Variants in FAM83F observed in about 807,000 individuals in gnomAD.
FAM83F encodes the protein protein FAM83F.
In FAM83F, 45 loss-of-function variants were observed where a neutral mutation model predicts 42.9. The ratio of observed to expected loss-of-function variants is 1.05; its 90% CI spans 0.83 to 1.35. FAM83F has a LOEUF of 1.35. Ranked by LOEUF, FAM83F falls within the 40% of genes most tolerant of loss-of-function variation. The probability of loss-of-function intolerance (pLI) is 0.00; values close to 1 mark genes in which losing one functional copy is unlikely to be tolerated. For missense variants in FAM83F, 617 were observed against 695.9 expected (o/e 0.89, Z 1.28); for synonymous variants, 306 against 298.3 (o/e 1.03, Z -0.27).
Position 40,021,606 on chromosome 22 carries a change from G to T in FAM83F, c.1096G>T (p.Glu366Ter). The change falls in exon 4 of 5, where the codon GAG becomes TAG. Residue 366 changes from glutamate to a stop codon, truncating the protein, a stop_gained. Transcript: ENST00000333407. LOFTEE classifies it high-confidence loss of function. This position sits in a 1 kb window ranked among gnomAD's most constrained non-coding sequence, Gnocchi z 8.7. ...EGQEEGASGG[E>*]SAWRLESFLK... Reference sequence around the variant, plus strand: ...GCAGGAGGAGGGCGCCAGCGGTGGCGAGTCGGCCTGGCGCCTGGAGAGCTT... The same window carrying T: ...GCAGGAGGAGGGCGCCAGCGGTGGCTAGTCGGCCTGGCGCCTGGAGAGCTT... 6.3e-7 allele frequency: 1 copy of T among 1,582,254 alleles called. No homozygotes were observed. Among genetic ancestry groups the T allele is most frequent in the Non-Finnish European group, 8.6e-7 (1 of 1,159,178 alleles).
At chr22:40,001,647 AAAAT>A (rs2067402427) in intron 1 of FAM83F, among the ~76,000 whole-genome samples, 1 of 152,180 alleles carries the variant, frequency 6.6e-6, no homozygotes, top group Non-Finnish European at 1.5e-5. Context: ...ACTCTATCTC[AAAAT>A]AAATAAATAA....
chr22:39,998,331 T>C (rs930375681), intron 1 of FAM83F, among the ~76,000 whole-genome samples: 2 of 152,228 alleles, frequency 1.3e-5, no homozygotes, highest in Admixed American at 6.5e-5. Context: ...TTTTATTTCA[T>C]TTAATCCTCA....
Position 40,036,860 on chromosome 22 carries a change from G to A in FAM83F, c.*7295G>A, listed in dbSNP as rs1054624084. On this transcript the variant is annotated 3_prime_UTR_variant, in exon 5 of 5. Transcript: ENST00000333407. ...GGCAGCATACGTCCTTCCTCCCCTA[G>A]GTCAGCTAGACGGCCAAAGCAGGGA... 2 of 152,206 alleles carry A rather than the reference G, an allele frequency of 1.3e-5. No homozygotes were observed. The highest frequency in any genetic ancestry group is 2.9e-5 in the Non-Finnish European group (2 of 68,052). 9.4% of individuals were successfully genotyped at this position (152,206 alleles called of 1,614,324 possible). A position where few individuals can be genotyped will look rare whatever the true frequency, so the allele number is the denominator to read the frequency against.
intron 1 of FAM83F, among the ~76,000 whole-genome samples, chr22:40,006,377 A>G (rs769620134): frequency 1.4e-4 from 22 of 152,220 alleles, no homozygotes; most frequent in Non-Finnish European, 2.1e-4. Context: ...GATCGATGGC[A>G]GGGCTCTGTC....
chr22:40,008,687 C>T (rs3021268), intron 1 of FAM83F, among the ~76,000 whole-genome samples: 13,086 of 152,176 alleles, frequency 0.086, 1,885 homozygotes, highest in African/African-American at 0.3. Flanking sequence ...TTGCTGAATT[C>T]GAGTCTTTGA....
At chr22:39,997,722 G>A (rs1052739622) in intron 1 of FAM83F, among the ~76,000 whole-genome samples, 4 of 152,182 alleles carry the variant, frequency 2.6e-5, no homozygotes, top group African/African-American at 9.7e-5. Context: ...CAGGTAAAAA[G>A]AGCTGTCGTG....
chr22:40,025,942 C>A (rs2067549736), intron 4 of FAM83F, among the ~76,000 whole-genome samples: 1 of 152,180 alleles, frequency 6.6e-6, no homozygotes, highest in Non-Finnish European at 1.5e-5. Context: ...GTGCCTGAGA[C>A]CCCACCCAGT....
intron 1 of FAM83F, among the ~76,000 whole-genome samples, chr22:40,008,060 G>A (rs544008554): frequency 9.8e-5 from 15 of 152,336 alleles, no homozygotes; most frequent in African/African-American, 2.9e-4. Flanking sequence ...GTAGACACCC[G>A]GTATGGCTGG....
In FAM83F at chr22:40,033,547, C is replaced by A. The variant is rs2067602505; in HGVS notation, c.*3982C>A. 6.6e-6 allele frequency: 1 copy of A among 152,324 alleles called. No individual in the cohort carries two copies. The highest frequency in any genetic ancestry group is 2.4e-5 in the African/African-American group (1 of 41,446). The allele number at this position is 152,324 out of a possible 1,614,324, so 9.4% of individuals were successfully genotyped here. On this transcript the variant is annotated 3_prime_UTR_variant, in exon 5 of 5. Coordinates refer to ENST00000333407, the MANE Select transcript of FAM83F (RefSeq NM_138435.4). The stretch of plus-strand genomic sequence containing the variant: ...AATCCTCTGTTGGGGATGGGGCTGC[C>A]CTGTGCATTATAGTACGTTTAGCAA...
rs113597116 is a variant in FAM83F at position 40,003,567 on chromosome 22, C to T, written c.489+8036C>T. Among the ~76,000 whole-genome samples the T allele has an allele frequency of 2.2e-3, 337 of 152,176 alleles. 1 individual carries two copies. Among genetic ancestry groups the T allele is most frequent in the African/African-American group, 7.8e-3 (325 of 41,528 alleles). Reference sequence around the variant, plus strand: ...GCTCAGGGGGGGTGTCCTGAGCCACCCCCAAGGCTGAGTCATTCTAGCTAT... The same window carrying T: ...GCTCAGGGGGGGTGTCCTGAGCCACTCCCAAGGCTGAGTCATTCTAGCTAT... On this transcript the variant is annotated intron_variant, in intron 1 of 4. Coordinates refer to ENST00000333407, the MANE Select transcript of FAM83F (RefSeq NM_138435.4).
rs1452351316 is a variant in FAM83F at position 40,032,439 on chromosome 22, A to AAGAT, written c.*2877_*2880dup. ...TATCCCTGACCCCTCGAGGGCTTTC[A>AAGAT]AGATAGCCTCTGTTAACATCACTAC... is the stretch of plus-strand genomic sequence containing the variant. On this transcript the variant is annotated 3_prime_UTR_variant, in exon 5 of 5. Coordinates refer to ENST00000333407, the MANE Select transcript of FAM83F (RefSeq NM_138435.4). 1.3e-5 allele frequency: 2 copies of AAGAT among 152,160 alleles called. No homozygotes were observed. The highest frequency in any genetic ancestry group is 2.9e-5 in the Non-Finnish European group (2 of 68,020). 9.4% of individuals were successfully genotyped at this position (152,160 alleles called of 1,614,324 possible).
chr22:40,029,631 G>T lies in FAM83F; in HGVS notation c.*66G>T. 6.4e-7 allele frequency: 1 copy of T among 1,572,680 alleles called. No homozygotes were observed. Among genetic ancestry groups the T allele is most frequent in the South Asian group, 1.2e-5 (1 of 86,332 alleles). ...TGCCCTGCCCTGTGCTGTGGAGAGC[G>T]CAGGTCGCACACTGCACCAGTTTGC... On this transcript the variant is annotated 3_prime_UTR_variant, in exon 5 of 5. Coordinates refer to ENST00000333407, the MANE Select transcript of FAM83F (RefSeq NM_138435.4).
chr22:40,004,208 A>G (rs781234714), intron 1 of FAM83F, among the ~76,000 whole-genome samples: 2 of 152,098 alleles, frequency 1.3e-5, no homozygotes, highest in Non-Finnish European at 2.9e-5. Flanking sequence ...AGGGGTGGGG[A>G]TATTGATAGC....
chr22:40,020,522 T>C (rs553128688), intron 3 of FAM83F, among the ~76,000 whole-genome samples: 1 of 151,830 alleles, frequency 6.6e-6, no homozygotes, highest in Non-Finnish European at 1.5e-5. Context: ...ACCACCATGC[T>C]CAGCTAATTT....
intron 4 of FAM83F, among the ~76,000 whole-genome samples, chr22:40,025,671 C>G (rs911521152): frequency 6.6e-6 from 1 of 152,082 alleles, no homozygotes; most frequent in Non-Finnish European, 1.5e-5. Context: ...TGAGATCACA[C>G]CAGCCTGGGT....
Position 40,038,597 on chromosome 22 carries a change from G to C in FAM83F, c.*9032G>C, listed in dbSNP as rs2067637822. 1 of 152,326 alleles carries C rather than the reference G, an allele frequency of 6.6e-6. No individual in the cohort carries two copies. The highest frequency in any genetic ancestry group is 6.5e-5 in the Admixed American group (1 of 15,292). The allele number at this position is 152,326 out of a possible 1,614,324, so 9.4% of individuals were successfully genotyped here. On this transcript the variant is annotated 3_prime_UTR_variant, in exon 5 of 5. Coordinates refer to ENST00000333407, the MANE Select transcript of FAM83F (RefSeq NM_138435.4). The stretch of plus-strand genomic sequence containing the variant: ...GCAGGGAGGGGGCTGCCTTCACTAT[G>C]GGTGCTCAGGAAATCTGCCAGGGGA...
intron 1 of FAM83F, among the ~76,000 whole-genome samples, chr22:40,006,673 G>T (rs2067430803): frequency 6.6e-6 from 1 of 152,238 alleles, no homozygotes; most frequent in South Asian, 2.1e-4. Flanking sequence ...TTATCTGGGG[G>T]AAAGTGGATA....
At position 40,039,706 on chromosome 22, in the gene FAM83F, T is replaced by A. The variant is rs1405239061; in HGVS notation, c.*10141T>A. The A allele has an allele frequency of 6.6e-6, 1 of 151,660 alleles. No homozygotes were observed. The highest frequency in any genetic ancestry group is 1.5e-5 in the Non-Finnish European group (1 of 67,932). 9.4% of individuals were successfully genotyped at this position (151,660 alleles called of 1,614,324 possible). Reference sequence around the variant, plus strand: ...TGCAGACAGATTCCTTTGAAGGAGCTTAGAGAAAGAGATGGTAGGGAAAAG... The same window carrying A: ...TGCAGACAGATTCCTTTGAAGGAGCATAGAGAAAGAGATGGTAGGGAAAAG... On this transcript the variant is annotated 3_prime_UTR_variant, in exon 5 of 5. Transcript: ENST00000333407.
chr22:39,995,035 G>GGGGCCT lies in FAM83F; in HGVS notation c.-4_-3insCTGGGC. ...CGGGGCCAGGGCCGGGGCCGGGGCCGGGGCGCCATGGCCGAGTCCCAGCTG... is the reference window on the plus strand; with the variant it reads ...CGGGGCCAGGGCCGGGGCCGGGGCCGGGGCCTGGGCGCCATGGCCGAGTCCCAGCTG... On this transcript the variant is annotated 5_prime_UTR_variant, in exon 1 of 5. Transcript: ENST00000333407. The surrounding 1 kb of genome is among the most constrained non-coding windows in gnomAD (Gnocchi z 4.6). The GGGGCCT allele has an allele frequency of 7.9e-7, 1 of 1,267,014 alleles. No homozygotes were observed. The allele number at this position is 1,267,014 out of a possible 1,614,324, so 78.5% of individuals were successfully genotyped here. A position where few individuals can be genotyped will look rare whatever the true frequency, so the allele number is the denominator to read the frequency against.
Sources: gnomAD v4.1 joint callset for allele counts (sites outside exome capture counted in the v4.1 genomes callset) on GRCh38, gnomAD v4.1.1 for gene constraint, Gnocchi (gnomAD v3.1) non-coding constraint, MANE v1.5 for transcripts, NCBI Gene and HGNC (gene_info 2026-07-23, HGNC 2026-07-21) for gene names.